C5: variants seen among roughly 807,000 people sequenced by gnomAD.
The protein encoded by C5 is complement C5, also known as C3 and PZP-like alpha-2-macroglobulin domain-containing protein 4.
In C5, 140 loss-of-function variants were observed where a neutral mutation model predicts 218.8. That is an observed-to-expected ratio of 0.64 (90% CI 0.56 to 0.74). C5 has a LOEUF of 0.74. Ranked by LOEUF, C5 falls within the 30% of genes least tolerant of loss-of-function variation. C5 has a pLI of 0.00. For missense variants in C5, 1,700 were observed against 1,969.6 expected (o/e 0.86, Z 2.59); for synonymous variants, 614 against 682.3 (o/e 0.90, Z 1.56).
At chr9:120,963,561 A>G in intron 34 of C5, 75 bp downstream of exon 34, 1 of 1,118,936 alleles carries the variant, frequency 8.9e-7, no homozygotes, top group South Asian at 1.3e-5. Context: ...AAATGAAAGA[A>G]AGTAAAATTG....
At chr9:121,065,544 C>G in the C5 span, among the ~76,000 whole-genome samples, 1 of 152,204 alleles carries the variant, frequency 6.6e-6, no homozygotes, top group South Asian at 2.1e-4. Flanking sequence ...ATTGCAGCCT[C>G]AAACTCCTTG....
intron 20 of C5, among the ~76,000 whole-genome samples, chr9:121,004,519 A>G (rs993649439): frequency 6.6e-6 from 1 of 152,200 alleles, no homozygotes; most frequent in African/African-American, 2.4e-5. Context: ...CATGCTTGTA[A>G]TCCCAGTACT....
At chr9:120,959,267 T>TCTTTC (rs77648642) in intron 38 of C5, among the ~76,000 whole-genome samples, 9 of 141,232 alleles carry the variant, frequency 6.4e-5, no homozygotes, top group Non-Finnish European at 1.0e-4. Context: ...TTTCTTTCTT[T>TCTTTC]TTTTTTTTGA....
At chr9:121,057,448 A>G in the C5 span, among the ~76,000 whole-genome samples, 1 of 152,144 alleles carries the variant, frequency 6.6e-6, no homozygotes, top group African/African-American at 2.4e-5. Flanking sequence ...AAAGATACAA[A>G]TAGATAAAAC....
intron 12 of C5, among the ~76,000 whole-genome samples, chr9:121,019,414 T>C (rs2131767960): frequency 6.6e-6 from 1 of 152,372 alleles, no homozygotes; most frequent in Admixed American, 6.5e-5. Flanking sequence ...GTAAGTTTTT[T>C]TCTTGGTTTC....
At chr9:120,954,044 C>G (rs2046767570) in intron 39 of C5, among the ~76,000 whole-genome samples, 176 bp from the exon 40 acceptor site, 1 of 152,190 alleles carries the variant, frequency 6.6e-6, no homozygotes, top group African/African-American at 2.4e-5. Flanking sequence ...GGGTTAAACT[C>G]TAAGCATGCT....
At chr9:120,974,517 C>T (rs560175869) in intron 30 of C5, among the ~76,000 whole-genome samples, 1 of 152,334 alleles carries the variant, frequency 6.6e-6, no homozygotes, top group East Asian at 1.9e-4. Flanking sequence ...AGGAGGGCCC[C>T]TCTGTACTTC....
intron 30 of C5, 115 bp downstream of exon 30, chr9:120,974,664 G>T: frequency 9.9e-7 from 1 of 1,008,884 alleles, no homozygotes; most frequent in Non-Finnish European, 1.6e-6. Flanking sequence ...GGACATAGCT[G>T]ACACTCAATA....
At chr9:120,989,925 A>G in intron 23 of C5, 145 bp from the exon 24 acceptor site, 1 of 681,472 alleles carries the variant, frequency 1.5e-6, no homozygotes, top group Non-Finnish European at 2.6e-6. Flanking sequence ...GGGGTGAGAA[A>G]AAAAGATCCG....
intron 22 of C5, among the ~76,000 whole-genome samples, chr9:120,994,170 A>G (rs2047098758): frequency 6.6e-6 from 1 of 152,128 alleles, no homozygotes; most frequent in South Asian, 2.1e-4. Context: ...CCTCATTGAT[A>G]TATTTTTTCA....
At chr9:121,071,509 AC>A in the C5 span, among the ~76,000 whole-genome samples, 1 of 152,052 alleles carries the variant, frequency 6.6e-6, no homozygotes, top group South Asian at 2.1e-4. Flanking sequence ...ACACAGCAAG[AC>A]CCCATCTTTA....
the C5 span, among the ~76,000 whole-genome samples, chr9:121,070,387 A>T: frequency 3.5e-5 from 1 of 28,368 alleles, no homozygotes; most frequent in Admixed American, 5.0e-4. Context: ...GAAGGGTGAT[A>T]TATATATATA....
Position 120,982,818 on chromosome 9 carries a change from T to C in C5, c.3231-4A>G, listed in dbSNP as rs777774046. On this transcript the variant is annotated splice_region_variant and splice_polypyrimidine_tract_variant and intron_variant, in intron 25 of 40. Transcript: ENST00000223642. The stretch of plus-strand genomic sequence containing the variant: ...TCTTAAAGCAAAAGCTGTTAACCTT[T>C]AAGACAAAATCAAATAAATAAATAT... 26 of 1,520,526 alleles carry C rather than the reference T, an allele frequency of 1.7e-5. 1 individual carries two copies. Among genetic ancestry groups the C allele is most frequent in the South Asian group, 1.2e-4 (10 of 86,750 alleles). The allele number at this position is 1,520,526 out of a possible 1,614,324, so 94.2% of individuals were successfully genotyped here.
At chr9:121,052,799 TC>T (rs374035637), upstream of C5, among the ~76,000 whole-genome samples, 22 of 152,312 alleles carry the variant, frequency 1.4e-4, no homozygotes, top group African/African-American at 5.1e-4. Context: ...TAATTTTGTA[TC>T]TTTCAAATGG....
At chr9:120,965,407 C>G (rs2046859637) in intron 33 of C5, among the ~76,000 whole-genome samples, 1 of 152,006 alleles carries the variant, frequency 6.6e-6, no homozygotes, top group African/African-American at 2.4e-5. Context: ...GTAATCCCAG[C>G]TACTTAAGAG....
chr9:120,996,973 A>G (rs1044615453), intron 21 of C5, among the ~76,000 whole-genome samples: 1 of 151,814 alleles, frequency 6.6e-6, no homozygotes, highest in Non-Finnish European at 1.5e-5. Context: ...TAATGTTAAT[A>G]GCGTGAATAC....
the C5 span, among the ~76,000 whole-genome samples, chr9:121,060,584 A>G: frequency 3.9e-5 from 6 of 152,140 alleles, no homozygotes; most frequent in East Asian, 5.8e-4. Context: ...AAGAAAAAAA[A>G]CCAGGTATCA....
intron 34 of C5, among the ~76,000 whole-genome samples, 196 bp downstream of exon 34, chr9:120,963,440 C>T (rs778489068): frequency 6.6e-5 from 10 of 151,360 alleles, no homozygotes; most frequent in Admixed American, 4.6e-4. Flanking sequence ...CCGAGAGGTG[C>T]GGTTGCAATG....
chr9:120,997,331 G>A (rs941220609), intron 21 of C5, among the ~76,000 whole-genome samples: 5 of 151,690 alleles, frequency 3.3e-5, no homozygotes, highest in African/African-American at 9.7e-5. Context: ...TATTTTCTAC[G>A]AAACAAATAT....
Sources: allele counts gnomAD v4.1 joint callset (sites outside exome capture counted in the v4.1 genomes callset), GRCh38; gene constraint gnomAD v4.1.1; transcripts MANE v1.5; gene names NCBI Gene and HGNC (gene_info 2026-07-23, HGNC 2026-07-21).